Variants in TRABD2B observed in about 807,000 individuals in gnomAD.
TRABD2B encodes TraB domain containing 2B.
TRABD2B carries 14 observed loss-of-function variants against 40.1 expected under a neutral mutation model. The observed-to-expected ratio is 0.35, with a 90% CI of 0.23 to 0.55. The LOEUF (loss-of-function observed/expected upper bound fraction) is 0.55. Among genes scored for constraint, TRABD2B ranks in the 20% least tolerant of loss-of-function variants. The probability of loss-of-function intolerance (pLI) is 0.90; values close to 1 mark genes in which losing one functional copy is unlikely to be tolerated. For synonymous variants in TRABD2B, 263 were observed against 277.0 expected (o/e 0.95, Z 0.50); for missense variants, 541 against 648.6 (o/e 0.83, Z 1.80).
chr1:47,777,764 A>G (rs1644466894), intron 5 of TRABD2B, among the ~76,000 whole-genome samples: 1 of 151,922 alleles, frequency 6.6e-6, no homozygotes, highest in Non-Finnish European at 1.5e-5. Context: ...CCTGTCACTG[A>G]CCTCTGGGGC....
At chr1:47,977,449 A>G (rs549430319) in intron 2 of TRABD2B, among the ~76,000 whole-genome samples, 4 of 152,086 alleles carry the variant, frequency 2.6e-5, no homozygotes, top group Admixed American at 6.5e-5. Context: ...GACAAAGTAA[A>G]CCACCAGCCA....
intron 2 of TRABD2B, among the ~76,000 whole-genome samples, chr1:47,943,672 T>C (rs1288170307): frequency 1.3e-5 from 2 of 152,076 alleles, no homozygotes; most frequent in Admixed American, 6.6e-5. Context: ...TTGCAACCTC[T>C]GCCTCAAAAA....
chr1:47,829,672 C>T (rs57680434), intron 2 of TRABD2B, among the ~76,000 whole-genome samples: 3,213 of 152,280 alleles, frequency 0.021, 124 homozygotes, highest in African/African-American at 0.073. Context: ...CCCTTCACTT[C>T]ACTCGTCATC....
intron 2 of TRABD2B, among the ~76,000 whole-genome samples, chr1:47,990,835 A>ATATATATATAT (rs1646000284): frequency 3.1e-5 from 3 of 95,512 alleles, no homozygotes; most frequent in African/African-American, 4.0e-5. Flanking sequence ...ATATATATAT[A>ATATATATATAT]AAACGTTGGT....
At position 47,862,819 on chromosome 1, in the gene TRABD2B, T is replaced by C. The variant is rs569408909; in HGVS notation, c.667-61200A>G. On this transcript the variant is annotated intron_variant, in intron 2 of 6. Transcript: ENST00000606738. The stretch of plus-strand genomic sequence containing the variant: ...AACAAAGTTAAAGGAATGACAGTAC[T>C]CAATTCAAGACTTATTATAAAGCTA... 7.3e-4 allele frequency among the ~76,000 whole-genome samples: 95 copies of C among 130,964 alleles called. 1 individual carries two copies. The highest frequency in any genetic ancestry group is 2.7e-3 in the African/African-American group (94 of 34,574). 85.9% of individuals were successfully genotyped at this position (130,964 alleles called of 152,430 possible).
chr1:47,911,411 T>C (rs1644761369), intron 2 of TRABD2B, among the ~76,000 whole-genome samples: 1 of 151,542 alleles, frequency 6.6e-6, no homozygotes, highest in Non-Finnish European at 1.5e-5. Context: ...ACAGAAAGAG[T>C]AAGATGTGAT....
chr1:47,942,008 G>C (rs1294386961), intron 2 of TRABD2B, among the ~76,000 whole-genome samples: 1 of 152,160 alleles, frequency 6.6e-6, no homozygotes. Context: ...ACTTAGCTTT[G>C]CCTGGTGCAA....
intron 2 of TRABD2B, among the ~76,000 whole-genome samples, chr1:47,853,681 A>C (rs1363324658): frequency 6.6e-6 from 1 of 152,156 alleles, no homozygotes; most frequent in African/African-American, 2.4e-5. Context: ...CCATCCATCC[A>C]TCCACCTATC....
intron 2 of TRABD2B, among the ~76,000 whole-genome samples, chr1:47,869,877 G>A (rs1644116298): frequency 6.6e-6 from 1 of 152,170 alleles, no homozygotes. Context: ...CAGCAGTTGT[G>A]CTATGGAAGG....
intron 2 of TRABD2B, among the ~76,000 whole-genome samples, chr1:47,914,746 A>T (rs1167840967): frequency 6.6e-6 from 1 of 152,214 alleles, no homozygotes; most frequent in Admixed American, 6.5e-5. Flanking sequence ...GAGTCAGCAG[A>T]ATCGGAACCA....
chr1:47,870,891 G>A (rs1376152866), intron 2 of TRABD2B, among the ~76,000 whole-genome samples: 1 of 152,190 alleles, frequency 6.6e-6, no homozygotes, highest in Non-Finnish European at 1.5e-5. Flanking sequence ...ACCAGGAAGG[G>A]CATTTAGGCA....
In TRABD2B at chr1:47,951,564, C is replaced by A. The variant is rs564467852; in HGVS notation, c.666+42470G>T. Among the ~76,000 whole-genome samples the A allele has an allele frequency of 9.8e-5, 15 of 152,298 alleles. No homozygotes were observed. In the East Asian group the frequency reaches 2.9e-3, roughly 30 times the overall value. ...GCAGAGGGGCAGGCTCCAGGCTAGG[C>A]TGCTGCGGCCTGAGGAAGTCCCTCC... On this transcript the variant is annotated intron_variant, in intron 2 of 6. Transcript: ENST00000606738.
At chr1:47,812,080 A>G (rs1174171882) in intron 2 of TRABD2B, among the ~76,000 whole-genome samples, 1 of 152,214 alleles carries the variant, frequency 6.6e-6, no homozygotes, top group Non-Finnish European at 1.5e-5. Context: ...CACTCTGCCC[A>G]GGCTTAATGC....
intron 4 of TRABD2B, among the ~76,000 whole-genome samples, chr1:47,781,367 C>T (rs1234803476): frequency 3.3e-5 from 5 of 152,220 alleles, no homozygotes; most frequent in Non-Finnish European, 7.3e-5. Context: ...TATTTACTGA[C>T]TGCTGCGCGG....
intron 4 of TRABD2B, among the ~76,000 whole-genome samples, chr1:47,791,900 C>A (rs144351864): frequency 6.6e-6 from 1 of 152,166 alleles, no homozygotes. Context: ...GCCTAGGGTA[C>A]GGTTCTGGCC....
intron 2 of TRABD2B, among the ~76,000 whole-genome samples, chr1:47,969,212 A>G (rs1355261570): frequency 6.6e-6 from 1 of 152,214 alleles, no homozygotes; most frequent in Non-Finnish European, 1.5e-5. Flanking sequence ...TTTCTTTTGC[A>G]AGTGGATCCA....
chr1:47,965,072 T>G lies in TRABD2B; in HGVS notation c.666+28962A>C, dbSNP rs758891744. ...GGCTTTAAGCATTGCACATGATTCT[T>G]CCTCAATAGCCTTTGATTTTTCTTC... On this transcript the variant is annotated intron_variant, in intron 2 of 6. Transcript: ENST00000606738. Among the ~76,000 whole-genome samples, 29 of 151,846 alleles carry G rather than the reference T, an allele frequency of 1.9e-4. 1 individual carries two copies. The highest frequency in any genetic ancestry group is 2.5e-4 in the Non-Finnish European group (17 of 67,924).
chr1:47,781,083 G>A (rs1280076377), intron 4 of TRABD2B, among the ~76,000 whole-genome samples: 2 of 152,214 alleles, frequency 1.3e-5, no homozygotes, highest in African/African-American at 2.4e-5. Context: ...CCGGCAGGGC[G>A]GGGTCATCCC....
intron 2 of TRABD2B, among the ~76,000 whole-genome samples, chr1:47,909,038 C>T (rs1644714983): frequency 6.6e-6 from 1 of 152,266 alleles, no homozygotes; most frequent in Admixed American, 6.5e-5. Flanking sequence ...TGACTTTCTG[C>T]TTTCCAGGCC....
Sources: gnomAD v4.1 joint callset for allele counts (sites outside exome capture counted in the v4.1 genomes callset) on GRCh38, gnomAD v4.1.1 for gene constraint, MANE v1.5 for transcripts, NCBI Gene and HGNC (gene_info 2026-07-23, HGNC 2026-07-21) for gene names.